Variants in PSD3 observed in about 807,000 individuals in gnomAD.
The protein encoded by PSD3 is pleckstrin and Sec7 domain containing 3, also known as PH and SEC7 domain-containing protein 3.
Under a neutral mutation model 105.5 loss-of-function variants are expected in PSD3, and 49 were observed. That is an observed-to-expected ratio of 0.46 (90% confidence interval 0.37 to 0.59). PSD3 has a LOEUF of 0.59. Among genes scored for constraint, PSD3 ranks in the 20% least tolerant of loss-of-function variants. The pLI is 0.00. For synonymous variants in PSD3, 557 were observed against 457.8 expected, an observed-to-expected ratio of 1.22 and a Z score of -2.77; for missense variants, 1,561 against 1,263.8, an observed-to-expected ratio of 1.24 and a Z score of -3.57.
At chr8:19,020,834 A>G (rs1464063789) in intron 1 of PSD3, among the ~76,000 whole-genome samples, 2 of 152,210 alleles carry the variant, frequency 1.3e-5, no homozygotes, top group African/African-American at 4.8e-5. Context: ...TACCAGAAAA[A>G]TGGAGTTACA....
chr8:18,607,734 A>C (rs1436511936), intron 11 of PSD3, among the ~76,000 whole-genome samples: 1 of 150,964 alleles, frequency 6.6e-6, no homozygotes, highest in Non-Finnish European at 1.5e-5. Context: ...GTATTAGTAC[A>C]TTCTCACATT....
At chr8:18,982,997 A>C (rs1010559948) in intron 1 of PSD3, among the ~76,000 whole-genome samples, 8 of 152,214 alleles carry the variant, frequency 5.3e-5, no homozygotes, top group African/African-American at 1.9e-4. Context: ...TCTTTTCCCA[A>C]TAGAAGGCTG....
chr8:19,077,428 A>T (rs1466856518), intron 1 of PSD3, among the ~76,000 whole-genome samples: 2 of 152,220 alleles, frequency 1.3e-5, no homozygotes, highest in Non-Finnish European at 2.9e-5. Context: ...AGGGCAGCCA[A>T]AAAACAGTCA....
At chr8:19,018,274 G>T (rs1205687279), upstream of PSD3, among the ~76,000 whole-genome samples, 1 of 151,956 alleles carries the variant, frequency 6.6e-6, no homozygotes, top group Non-Finnish European at 1.5e-5. Flanking sequence ...AATTTTGGAA[G>T]ACCTCTCAAG....
chr8:18,808,724 G>A, intron 4 of PSD3: 14 of 1,613,888 alleles, frequency 8.7e-6, no homozygotes, highest in Non-Finnish European at 1.1e-5. Flanking sequence ...AAATCAGAAA[G>A]CTTGACAATA....
chr8:18,924,997 C>T (rs73666755), intron 2 of PSD3, among the ~76,000 whole-genome samples: 8 of 152,052 alleles, frequency 5.3e-5, no homozygotes, highest in Non-Finnish European at 7.3e-5. Context: ...AAATTAAAAC[C>T]TTTTGTACTA....
At chr8:18,964,123 TTTTG>T (rs556523740) in intron 1 of PSD3, among the ~76,000 whole-genome samples, 99 of 152,276 alleles carry the variant, frequency 6.5e-4, no homozygotes, top group African/African-American at 2.2e-3. Flanking sequence ...CTCGGGTTTT[TTTTG>T]TTTGTTTGTT....
chr8:18,592,595 A>C (rs1585326049), intron 12 of PSD3, among the ~76,000 whole-genome samples: 3 of 152,318 alleles, frequency 2.0e-5, no homozygotes, highest in Non-Finnish European at 2.9e-5. Flanking sequence ...AGGACTTTGA[A>C]AGTAGCAAAA....
intron 1 of PSD3, among the ~76,000 whole-genome samples, chr8:18,939,121 G>C (rs949545061): frequency 6.6e-6 from 1 of 152,182 alleles, no homozygotes; most frequent in Admixed American, 6.5e-5. Flanking sequence ...ATTCCAAGAA[G>C]ATAAATTTTT....
chr8:18,789,911 AAGCTTACAGTG>A (rs1454885724), intron 8 of PSD3, among the ~76,000 whole-genome samples: 3 of 152,198 alleles, frequency 2.0e-5, no homozygotes, highest in Non-Finnish European at 4.4e-5. Flanking sequence ...CCAATGTAAA[AAGCTTACAGTG>A]ATAAGAAGAC....
At chr8:18,937,090 C>T (rs13265838) in intron 1 of PSD3, among the ~76,000 whole-genome samples, 15,306 of 152,164 alleles carry the variant, frequency 0.1, 820 homozygotes, top group Middle Eastern at 0.24. Context: ...TACATCCTAA[C>T]TCTGAACTCC....
intron 1 of PSD3, among the ~76,000 whole-genome samples, chr8:18,998,606 G>C (rs1826208646): frequency 6.6e-6 from 1 of 152,036 alleles, no homozygotes; most frequent in African/African-American, 2.4e-5. Context: ...AGAATCGCTT[G>C]AACGCGGGAG....
intron 1 of PSD3, among the ~76,000 whole-genome samples, chr8:19,005,651 A>C (rs1473128328): frequency 1.3e-5 from 2 of 151,704 alleles, no homozygotes; most frequent in Non-Finnish European, 2.9e-5. Flanking sequence ...TGCTCAGCTA[A>C]TTTTTAAATT....
intron 1 of PSD3, among the ~76,000 whole-genome samples, chr8:19,042,217 C>A (rs1828148070): frequency 1.3e-5 from 2 of 152,122 alleles, no homozygotes; most frequent in South Asian, 2.1e-4. Flanking sequence ...TCCCTGTAGG[C>A]TCCTTTTTGT....
intron 1 of PSD3, among the ~76,000 whole-genome samples, chr8:19,024,403 AG>A (rs1827472350): frequency 6.6e-6 from 1 of 152,200 alleles, no homozygotes. Context: ...AGACCATGCC[AG>A]GGGCCTCTGA....
At chr8:18,588,270 G>A (rs1803342150) in intron 12 of PSD3, among the ~76,000 whole-genome samples, 1 of 152,096 alleles carries the variant, frequency 6.6e-6, no homozygotes, top group Non-Finnish European at 1.5e-5. Flanking sequence ...TACAGAACCA[G>A]GTAGAAACCA....
intron 4 of PSD3, among the ~76,000 whole-genome samples, chr8:18,852,717 G>A (rs1247738092): frequency 6.6e-6 from 1 of 152,190 alleles, no homozygotes; most frequent in East Asian, 1.9e-4. Context: ...AAGCCCTGAT[G>A]TGTTTACAGT....
At chr8:18,647,938 T>A (rs1321426826) in intron 10 of PSD3, among the ~76,000 whole-genome samples, 1 of 152,166 alleles carries the variant, frequency 6.6e-6, no homozygotes, top group Non-Finnish European at 1.5e-5. Context: ...CACTTTCTGC[T>A]GTGATTTAAA....
chr8:18,606,243 T>C (rs1334202885), intron 11 of PSD3, among the ~76,000 whole-genome samples: 2 of 152,214 alleles, frequency 1.3e-5, no homozygotes, highest in Non-Finnish European at 1.5e-5. Flanking sequence ...TTGTGACTTA[T>C]TCACTCTTTC....
Sources: allele counts gnomAD v4.1 joint callset (sites outside exome capture counted in the v4.1 genomes callset), GRCh38; gene constraint gnomAD v4.1.1; transcripts MANE v1.5; gene names NCBI Gene and HGNC (gene_info 2026-07-23, HGNC 2026-07-21).